The following PXDN variants were observed in gnomAD, a reference collection of about 807,000 sequenced individuals.
The protein encoded by PXDN is peroxidasin homolog.
In PXDN, 77 loss-of-function variants were observed where a neutral mutation model predicts 140.3. That is an observed-to-expected ratio of 0.55 (90% CI 0.46 to 0.66). PXDN has a LOEUF of 0.66. PXDN is among the 30% of genes least tolerant of loss of function. PXDN has a pLI of 0.00. For synonymous variants in PXDN, 911 were observed against 857.4 expected, an observed-to-expected ratio of 1.06 and a Z score of -1.09; for missense variants, 1,838 against 2,039.5, an observed-to-expected ratio of 0.90 and a Z score of 1.90.
chr2:1,671,960 A>T (rs1234641416), intron 9 of PXDN: 2 of 152,378 alleles, frequency 1.3e-5, no homozygotes, highest in East Asian at 1.9e-4. Flanking sequence ...TCTAGCTGTC[A>T]TGTGGTCATA....
At chr2:1,652,828 C>T (rs1210591701) in intron 16 of PXDN, among the ~76,000 whole-genome samples, 1 of 151,998 alleles carries the variant, frequency 6.6e-6, no homozygotes, top group African/African-American at 2.4e-5. Context: ...TTGCTCTAAT[C>T]GTAAAAGTTA....
chr2:1,668,804 T>G (rs1435622911), intron 9 of PXDN, among the ~76,000 whole-genome samples: 1 of 152,198 alleles, frequency 6.6e-6, no homozygotes, highest in African/African-American at 2.4e-5. Flanking sequence ...AAACAACAGA[T>G]GCTGGCGAGG....
chr2:1,660,960 A>G lies in PXDN; in HGVS notation c.1758T>C (p.Pro586=). The G allele has an allele frequency of 6.2e-7, 1 of 1,614,024 alleles. No homozygotes were observed. The highest frequency in any genetic ancestry group is 8.5e-7 in the Non-Finnish European group (1 of 1,179,898). Residue 586 remains proline, a synonymous_variant, in exon 14 of 23, where the codon CCT becomes CCC. Transcript: ENST00000252804. This position sits in a 1 kb window ranked among gnomAD's most constrained non-coding sequence, Gnocchi z 4.6. The part of the protein sequence containing the change: ...EGFLTINDVG[P]ADAGRYECVA... ...CACACTCATAGCGACCTGCGTCTGC[A>G]GGGCCAACGTCATTGATGGTCAAGA...
intron 1 of PXDN, among the ~76,000 whole-genome samples, chr2:1,730,750 A>C (rs1467615831): frequency 6.6e-6 from 1 of 152,132 alleles, no homozygotes; most frequent in Non-Finnish European, 1.5e-5. Flanking sequence ...GGCACATGTG[A>C]GGTCAAACCC....
intron 1 of PXDN, among the ~76,000 whole-genome samples, chr2:1,705,004 C>T (rs1159437783): frequency 2.6e-5 from 4 of 152,058 alleles, no homozygotes; most frequent in South Asian, 2.1e-4. Context: ...GATGCACACA[C>T]GAGCTAGTTA....
chr2:1,735,662 T>C (rs998831630), intron 1 of PXDN, among the ~76,000 whole-genome samples: 8 of 152,256 alleles, frequency 5.3e-5, no homozygotes, highest in African/African-American at 2.4e-5. Context: ...TGTTTTTCCA[T>C]TGGTAGAGCA....
At chr2:1,691,300 G>C (rs1273632644) in intron 3 of PXDN, among the ~76,000 whole-genome samples, 4 of 152,182 alleles carry the variant, frequency 2.6e-5, no homozygotes, top group Admixed American at 2.6e-4. Context: ...GTGTGTGACT[G>C]AGACTAAACC....
chr2:1,647,779 C>T (rs989779431), intron 17 of PXDN, among the ~76,000 whole-genome samples: 1 of 152,236 alleles, frequency 6.6e-6, no homozygotes, highest in African/African-American at 2.4e-5. Flanking sequence ...CAGCAGGAAC[C>T]CGAAGCTGCC....
In PXDN at chr2:1,649,143, C is replaced by A; in HGVS notation, c.2637G>T (p.Val879=). 6.2e-7 allele frequency: 1 copy of A among 1,612,582 alleles called. No individual in the cohort carries two copies. The highest frequency in any genetic ancestry group is 8.5e-7 in the Non-Finnish European group (1 of 1,179,834). The change falls in exon 17 of 23, where the codon GTG becomes GTT. Residue 879 remains valine (V), a synonymous_variant. Transcript: ENST00000252804. This position sits in a 1 kb window ranked among gnomAD's most constrained non-coding sequence, Gnocchi z 7.1. ...ARSGARCMFF[V]RSSPVCGSGM... is the part of the protein sequence containing the mutation. Reference sequence around the variant, plus strand: ...CGCTGCCGCACACAGGGCTGGAGCGCACGAAGAACATGCAGCGGGCCCCGC... The same window carrying A: ...CGCTGCCGCACACAGGGCTGGAGCGAACGAAGAACATGCAGCGGGCCCCGC...
At chr2:1,731,293 ATGC>A (rs1685309856) in intron 1 of PXDN, among the ~76,000 whole-genome samples, 1 of 63,410 alleles carries the variant, frequency 1.6e-5, no homozygotes, top group Non-Finnish European at 4.9e-5. Context: ...CTTCCTGGAC[ATGC>A]AGCTGACCTC....
chr2:1,700,425 G>GAA (rs1684398387), intron 1 of PXDN, among the ~76,000 whole-genome samples: 1 of 151,738 alleles, frequency 6.6e-6, no homozygotes, highest in East Asian at 1.9e-4. Context: ...TAAGATTTTT[G>GAA]ATCACATTTG....
chr2:1,744,399 G>A lies in PXDN; in HGVS notation c.57C>T (p.Phe19=). The change falls in exon 1 of 23, where the codon TTC becomes TTT. Residue 19 remains phenylalanine, a synonymous_variant. Transcript: ENST00000252804. The stretch of plus-strand genomic sequence containing the variant: ...CCACGGCCAGCGTCCCCCAGGCGCA[G>A]AACAGCACGAGCGCCAACAGGCAGC... ...GRRCLLALVL[F]CAWGTLAVVA... 2 of 1,519,970 alleles carry A rather than the reference G, an allele frequency of 1.3e-6. No homozygotes were observed. The highest frequency in any genetic ancestry group is 2.6e-5 in the East Asian group (1 of 39,004). 94.2% of individuals were successfully genotyped at this position (1,519,970 alleles called of 1,614,324 possible). A position where few individuals can be genotyped will look rare whatever the true frequency, so the allele number is the denominator to read the frequency against.
At chr2:1,635,765 C>T (rs1450827191) in intron 21 of PXDN, 25 of 493,702 alleles carry the variant, frequency 5.1e-5, no homozygotes, top group Non-Finnish European at 7.4e-5. Context: ...GTCACAAAGG[C>T]GACGTTCTCA....
At chr2:1,692,056 T>C in intron 2 of PXDN, 57 bp from the exon 3 acceptor site, 4 of 1,259,502 alleles carry the variant, frequency 3.2e-6, no homozygotes, top group South Asian at 2.9e-5. Flanking sequence ...ACTTCGAAGT[T>C]GTGTTAAAAC....
At chr2:1,683,310 A>T (rs1322413868) in intron 6 of PXDN, among the ~76,000 whole-genome samples, 1 of 151,930 alleles carries the variant, frequency 6.6e-6, no homozygotes, top group Non-Finnish European at 1.5e-5. Context: ...AGTCCCAGCT[A>T]CTCAGCTCTT....
At chr2:1,666,844 C>A (rs1438409290) in intron 9 of PXDN, among the ~76,000 whole-genome samples, 1 of 152,088 alleles carries the variant, frequency 6.6e-6, no homozygotes, top group Non-Finnish European at 1.5e-5. Context: ...CTTATTGGCA[C>A]AAATTATTGT....
Position 1,661,017 on chromosome 2 carries a change from T to G in PXDN, c.1701A>C (p.Glu567Asp). 3.1e-6 allele frequency: 5 copies of G among 1,613,970 alleles called. No homozygotes were observed. The highest frequency in any genetic ancestry group is 4.2e-6 in the Non-Finnish European group (5 of 1,179,866). The change falls in exon 14 of 23, where the codon GAA becomes GAC. Residue 567 changes from glutamate (E) to aspartate (D), a missense_variant. Around this residue, in one of 5 missense-constraint regions of PXDN, gnomAD observed 537 missense variants for 583.9 expected, o/e 0.92. Coordinates refer to ENST00000252804, the MANE Select transcript of PXDN (RefSeq NM_012293.3). The stretch of plus-strand genomic sequence containing the variant: ...CAGGGCTGATGTGAAATTTTCCACT[T>G]TCTGTCACCTGAACCCCATCCTGGA... ...TWNKDGVQVT[E>D]SGKFHISPEG...
In PXDN at chr2:1,648,529, A is replaced by C; in HGVS notation, c.3251T>G (p.Leu1084Arg). ...HTLVNPLLYR[L>R]DENFQPIAQD... is the part of the protein sequence containing the mutation. ...TGCAATGGGCTGGAAGTTCTCGTCC[A>C]GCCGGTAAAGCAGTGGGTTGACAAG... Residue 1084 changes from leucine (L) to arginine (R), a missense_variant, in exon 17 of 23, where the codon CTG becomes CGG. By Grantham distance (102) the Leu-to-Arg change is moderately radical. Coordinates refer to ENST00000252804, the MANE Select transcript of PXDN (RefSeq NM_012293.3). The surrounding 1 kb of genome is among the most constrained non-coding windows in gnomAD (Gnocchi z 8.9). 6.2e-7 allele frequency: 1 copy of C among 1,613,508 alleles called. No individual in the cohort carries two copies. Among genetic ancestry groups the C allele is most frequent in the Non-Finnish European group, 8.5e-7 (1 of 1,179,880 alleles).
At chr2:1,692,924 G>A in intron 2 of PXDN, 139 bp downstream of exon 2, 1 of 770,562 alleles carries the variant, frequency 1.3e-6, no homozygotes, top group Non-Finnish European at 2.1e-6. Flanking sequence ...GGCATTCAGG[G>A]GCATTTTCCA....
Sources: gnomAD v4.1 joint callset for allele counts (sites outside exome capture counted in the v4.1 genomes callset) on GRCh38, gnomAD v4.1.1 for gene constraint, gnomAD v4.1.1 regional missense constraint, Gnocchi (gnomAD v3.1) non-coding constraint, MANE v1.5 for transcripts, NCBI Gene and HGNC (gene_info 2026-07-23, HGNC 2026-07-21) for gene names.